The following SYTL2 variants were observed in gnomAD, a reference collection of about 807,000 sequenced individuals.
SYTL2 encodes synaptotagmin like 2, also known as synaptotagmin-like protein 2.
In SYTL2, 165 loss-of-function variants were observed where a neutral mutation model predicts 198.7. The observed-to-expected ratio is 0.83, with a 90% CI of 0.73 to 0.94. SYTL2 has a LOEUF of 0.94. Among genes scored for constraint, SYTL2 ranks in the 40% least tolerant of loss-of-function variants. The pLI is 0.00. For synonymous variants in SYTL2, 966 were observed against 917.7 expected, an observed-to-expected ratio of 1.05 and a Z score of -0.95; for missense variants, 2,835 against 2,582.8, an observed-to-expected ratio of 1.10 and a Z score of -2.12.
In SYTL2 at chr11:85,734,658, C is replaced by G. The variant is rs774498151; in HGVS notation, c.671G>C (p.Gly224Ala). 7.4e-6 allele frequency: 12 copies of G among 1,614,148 alleles called. 1 individual carries two copies. The Admixed American group carries it at 1.3e-4, about 18-fold the overall frequency. The change falls in exon 7 of 20, where the codon GGC becomes GCC. Residue 224 changes from glycine to alanine, a missense_variant. Transcript: ENST00000359152. ...KLEKSKQTLP[G>A]LSNGSQIKAP... ...CTTGATTTGGGACCCATTTGAAAGG[C>G]CTGGCAAAGTCTGCTTTGATTTCTC...
intron 2 of SYTL2, among the ~76,000 whole-genome samples, chr11:85,752,917 T>TAAAAAAAAAAAAAAAAAAAA (rs1162431708): frequency 5.6e-5 from 1 of 17,722 alleles, no homozygotes; most frequent in African/African-American, 1.4e-4. Context: ...CTGCCTTCAT[T>TAAAAAAAAAAAAAAAAAAAA]AAAAAAAAAA....
chr11:85,825,554 C>T, the SYTL2 span, among the ~76,000 whole-genome samples: 1 of 152,180 alleles, frequency 6.6e-6, no homozygotes, highest in Non-Finnish European at 1.5e-5. Context: ...TGAGGAAAGA[C>T]TGGAAAGAGC....
chr11:85,785,676 C>T lies in SYTL2; in HGVS notation c.-390+25278G>A, dbSNP rs565306314. 9.5e-4 allele frequency among the ~76,000 whole-genome samples: 144 copies of T among 152,182 alleles called. 1 individual carries two copies. The highest frequency in any genetic ancestry group is 3.2e-3 in the African/African-American group (133 of 41,508). ...TTAACTCTCAAGGTCAATCAGAGTC[C>T]GCAGGAGCTTAAATGAGGCTCATGG... On this transcript the variant is annotated intron_variant, in intron 1 of 19. Transcript: ENST00000359152.
chr11:85,797,770 C>G (rs369276618), intron 1 of SYTL2, among the ~76,000 whole-genome samples: 1 of 152,114 alleles, frequency 6.6e-6, no homozygotes, highest in South Asian at 2.1e-4. Context: ...GGCCATACCC[C>G]ACCTGGCCAC....
intron 2 of SYTL2, among the ~76,000 whole-genome samples, chr11:85,757,272 C>T (rs2091918986): frequency 6.6e-6 from 1 of 151,764 alleles, no homozygotes; most frequent in Non-Finnish European, 1.5e-5. Context: ...GTTCATGATT[C>T]AGTTAAAAAA....
At chr11:85,749,851 C>T (rs2091405499) in intron 2 of SYTL2, among the ~76,000 whole-genome samples, 1 of 152,150 alleles carries the variant, frequency 6.6e-6, no homozygotes, top group Admixed American at 6.6e-5. Context: ...TTCTACTTCT[C>T]CCTGGTGAGT....
In SYTL2 at chr11:85,730,464, A is replaced by G. The variant is rs113523560; in HGVS notation, c.1391-2497T>C. 4.5e-3 allele frequency among the ~76,000 whole-genome samples: 691 copies of G among 152,352 alleles called. 6 individuals are homozygous for G. Among genetic ancestry groups the G allele is most frequent in the Non-Finnish European group, 7.6e-3 (515 of 68,022 alleles). The stretch of plus-strand genomic sequence containing the variant: ...ATATGCAAATCAATAAACGTAATCC[A>G]TCACGTAAACAGAACCAATGACAAA... On this transcript the variant is annotated intron_variant, in intron 7 of 19. Transcript: ENST00000359152.
intron 2 of SYTL2, among the ~76,000 whole-genome samples, chr11:85,750,159 C>T (rs1181411295): frequency 1.3e-5 from 2 of 152,144 alleles, no homozygotes; most frequent in African/African-American, 4.8e-5. Flanking sequence ...ACATCCAAAT[C>T]TCAGTTCTGA....
the SYTL2 span, among the ~76,000 whole-genome samples, chr11:85,849,773 CT>C: frequency 2.1e-5 from 3 of 145,052 alleles, no homozygotes; most frequent in Non-Finnish European, 4.5e-5. Context: ...GATGCGGGCT[CT>C]TTTTTGGTTC....
intron 1 of SYTL2, among the ~76,000 whole-genome samples, chr11:85,784,934 C>CA (rs1474411662): frequency 6.6e-6 from 1 of 152,004 alleles, no homozygotes; most frequent in Non-Finnish European, 1.5e-5. Context: ...TTACTCACAC[C>CA]ACAGCCTGTG....
intron 2 of SYTL2, among the ~76,000 whole-genome samples, chr11:85,754,378 T>A (rs1002553563): frequency 6.6e-6 from 1 of 152,214 alleles, no homozygotes; most frequent in Non-Finnish European, 1.5e-5. Flanking sequence ...TAGGAGTAAT[T>A]TCCTTCTAAG....
At chr11:85,784,944 G>C (rs2092614144) in intron 1 of SYTL2, among the ~76,000 whole-genome samples, 1 of 152,058 alleles carries the variant, frequency 6.6e-6, no homozygotes, top group South Asian at 2.1e-4. Context: ...CACAGCCTGT[G>C]GCTGCCGGCA....
chr11:85,742,771 G>A (rs1370998241), intron 4 of SYTL2, among the ~76,000 whole-genome samples: 2 of 152,150 alleles, frequency 1.3e-5, no homozygotes, highest in African/African-American at 4.8e-5. Context: ...TCACTACAAA[G>A]GGTTTATGAA....
rs563606103 is a variant in SYTL2 at position 85,707,110 on chromosome 11, G to A, written c.6018+319C>T. Among the ~76,000 whole-genome samples the A allele has an allele frequency of 3.3e-5, 5 of 152,218 alleles. No individual in the cohort carries two copies. The South Asian group carries it at 8.3e-4, about 25-fold the overall frequency. On this transcript the variant is annotated intron_variant, in intron 15 of 19. Coordinates refer to ENST00000359152, the MANE Select transcript of SYTL2 (RefSeq NM_206927.4). Reference sequence around the variant, plus strand: ...CCACCTCGGCCTCCCAAAGTTGCTGGGATTACAGGCGTGAACCACCTCACC... The same window carrying A: ...CCACCTCGGCCTCCCAAAGTTGCTGAGATTACAGGCGTGAACCACCTCACC...
rs1443072013 is a variant in SYTL2, at chr11:85,748,323, C to T, written c.202G>A (p.Gly68Ser). ...ATAGATGCTCTGATGATATCTGCGCCATGGATTTTGTCCCTGTGCCTTTTT... is the reference window on the plus strand; with the variant it reads ...ATAGATGCTCTGATGATATCTGCGCTATGGATTTTGTCCCTGTGCCTTTTT... ...KAKRHRDKIH[G>S]ADIIRASMRK... Residue 68 changes from glycine (G) to serine (S), a missense_variant, in exon 3 of 20, where the codon GGC (glycine) becomes AGC (serine). Physicochemically the swap from Gly to Ser is moderately conservative, Grantham distance 56 (BLOSUM62 0). Around this residue, in one of 3 missense-constraint regions of SYTL2, gnomAD observed 2,645 missense variants for 2,381.7 expected, o/e 1.11. Transcript: ENST00000359152. The T allele has an allele frequency of 6.2e-7, 1 of 1,614,004 alleles. No homozygotes were observed. Among genetic ancestry groups the T allele is most frequent in the East Asian group, 2.2e-5 (1 of 44,890 alleles).
intron 9 of SYTL2, chr11:85,719,401 T>A (rs2087909080): frequency 1.1e-6 from 1 of 952,324 alleles, no homozygotes; most frequent in African/African-American, 1.7e-5. Context: ...TGATGGTGAT[T>A]TTTTTTTAAC....
intron 1 of SYTL2, among the ~76,000 whole-genome samples, chr11:85,769,662 C>T (rs2092317022): frequency 6.6e-6 from 1 of 152,172 alleles, no homozygotes. Context: ...GTGAGTTGTG[C>T]CAAACCCCTA....
the SYTL2 span, among the ~76,000 whole-genome samples, chr11:85,818,398 TAGG>T: frequency 3.2e-3 from 482 of 152,312 alleles, 3 homozygotes; most frequent in African/African-American, 0.011. Flanking sequence ...TGAATCAGAT[TAGG>T]GTTTGCTGTT....
At chr11:85,705,549 T>C (rs968962665) in intron 15 of SYTL2, among the ~76,000 whole-genome samples, 37 of 152,134 alleles carry the variant, frequency 2.4e-4, no homozygotes, top group African/African-American at 8.7e-4. Context: ...AGATGAGGTA[T>C]TTAAAATAAA....
Sources: gnomAD v4.1 joint callset for allele counts (sites outside exome capture counted in the v4.1 genomes callset) on GRCh38, gnomAD v4.1.1 for gene constraint, gnomAD v4.1.1 regional missense constraint, MANE v1.5 for transcripts, NCBI Gene and HGNC (gene_info 2026-07-23, HGNC 2026-07-21) for gene names.